Variants in PPP1R12B observed in about 807,000 individuals in gnomAD.
PPP1R12B encodes protein phosphatase 1 regulatory subunit 12B.
Under a neutral mutation model 126.1 loss-of-function variants are expected in PPP1R12B, and 76 were observed. That is an observed-to-expected ratio of 0.60 (90% CI 0.50 to 0.73). The LOEUF (loss-of-function observed/expected upper bound fraction) is 0.73, where lower values mean the gene tolerates loss of function less well. Among genes scored for constraint, PPP1R12B ranks in the 30% least tolerant of loss-of-function variants. The pLI is 0.00. For missense variants in PPP1R12B, 1,052 were observed against 1,205.1 expected, an observed-to-expected ratio of 0.87 and a Z score of 1.88; for synonymous variants, 356 against 434.7, an observed-to-expected ratio of 0.82 and a Z score of 2.25.
chr1:202,551,104 T>G (rs1686269973), intron 18 of PPP1R12B, among the ~76,000 whole-genome samples: 1 of 152,268 alleles, frequency 6.6e-6, no homozygotes, highest in South Asian at 2.1e-4. Context: ...TGATATGTGC[T>G]GCAATATGTG....
chr1:202,360,767 C>T (rs991795818), intron 1 of PPP1R12B, among the ~76,000 whole-genome samples: 8 of 151,806 alleles, frequency 5.3e-5, no homozygotes, highest in Non-Finnish European at 1.2e-4. Context: ...AGTGTATTGA[C>T]TGTTGCAAGG....
At chr1:202,451,299 T>TA (rs1165886884) in intron 13 of PPP1R12B, among the ~76,000 whole-genome samples, 1 of 150,276 alleles carries the variant, frequency 6.7e-6, no homozygotes, top group Non-Finnish European at 1.5e-5. Flanking sequence ...CTGGTTTTCC[T>TA]AGGCAGAGGA....
At chr1:202,568,472 A>G (rs1688268596) in intron 22 of PPP1R12B, among the ~76,000 whole-genome samples, 1 of 152,200 alleles carries the variant, frequency 6.6e-6, no homozygotes, top group African/African-American at 2.4e-5. Flanking sequence ...ATATGTTCCC[A>G]TCTGTCCTGT....
At chr1:202,579,060 A>C (rs929453857) in intron 23 of PPP1R12B, among the ~76,000 whole-genome samples, 1 of 152,204 alleles carries the variant, frequency 6.6e-6, no homozygotes, top group African/African-American at 2.4e-5. Context: ...TCATAGTCTC[A>C]TGAGGCACTA....
At chr1:202,435,276 T>C (rs548377119) in intron 9 of PPP1R12B, among the ~76,000 whole-genome samples, 94 of 152,288 alleles carry the variant, frequency 6.2e-4, no homozygotes, top group African/African-American at 2.1e-3. Flanking sequence ...TCTATAAGAT[T>C]ATTACCAAAC....
intron 17 of PPP1R12B, 120 bp from the exon 18 acceptor site, chr1:202,496,661 T>G (rs1020381965): frequency 1.1e-5 from 9 of 826,582 alleles, no homozygotes; most frequent in Non-Finnish European, 1.5e-5. Flanking sequence ...CACTTGGAAG[T>G]CAATTCTCAT....
intron 13 of PPP1R12B, among the ~76,000 whole-genome samples, chr1:202,473,729 T>TCTCCTCCCCTTCCTTCTC (rs1278949165): frequency 1.3e-5 from 2 of 152,220 alleles, no homozygotes; most frequent in African/African-American, 4.8e-5. Flanking sequence ...CTTTCCCTTT[T>TCTCCTCCCCTTCCTTCTC]CTCCTCCCCT....
In PPP1R12B at chr1:202,498,786, C is replaced by A. The variant is rs377068832; in HGVS notation, c.2490+1964C>A. 2.6e-5 allele frequency among the ~76,000 whole-genome samples: 4 copies of A among 152,168 alleles called. No individual in the cohort carries two copies. In the South Asian group the frequency reaches 6.2e-4, roughly 24 times the overall value. ...GCAACAACAAATGAGCCAGTTAAAG[C>A]GGAGGGCATTCCATTGAAATGGTGC... is the stretch of plus-strand genomic sequence containing the variant. On this transcript the variant is annotated intron_variant, in intron 18 of 23. Transcript: ENST00000608999.
intron 18 of PPP1R12B, among the ~76,000 whole-genome samples, chr1:202,542,866 A>G (rs942488985): frequency 6.6e-6 from 1 of 152,154 alleles, no homozygotes; most frequent in Non-Finnish European, 1.5e-5. Context: ...TCCTCTTCCA[A>G]ACTTCTTTAA....
chr1:202,422,864 T>C, intron 3 of PPP1R12B, 126 bp downstream of exon 3: 1 of 1,343,038 alleles, frequency 7.4e-7, no homozygotes, highest in Non-Finnish European at 1.0e-6. Context: ...CTGTCTGCAC[T>C]GCATTAATCA....
chr1:202,511,826 G>T (rs546773569), intron 18 of PPP1R12B, among the ~76,000 whole-genome samples: 63 of 147,348 alleles, frequency 4.3e-4, no homozygotes, highest in Non-Finnish European at 8.3e-4. Flanking sequence ...GGCCAGGCTG[G>T]AGTGCAATGA....
In PPP1R12B at chr1:202,451,130, CTTTT is replaced by C. The variant is rs141489711; in HGVS notation, c.1850+1966_1850+1969del. Among the ~76,000 whole-genome samples, 18 of 144,534 alleles carry C rather than the reference CTTTT, an allele frequency of 1.2e-4. No individual in the cohort carries two copies. The South Asian group carries it at 3.7e-3, about 29-fold the overall frequency. 94.8% of individuals were successfully genotyped at this position (144,534 alleles called of 152,430 possible). A position where few individuals can be genotyped will look rare whatever the true frequency, so the allele number is the denominator to read the frequency against. ...TTTGTAACTACTGTAAATGGGTTTA[CTTTT>C]TTTTTTAATAGTAGTATGATTTATT... On this transcript the variant is annotated intron_variant, in intron 13 of 23. Transcript: ENST00000608999.
chr1:202,367,946 A>T (rs1659531978), intron 1 of PPP1R12B, among the ~76,000 whole-genome samples: 1 of 151,000 alleles, frequency 6.6e-6, no homozygotes, highest in Non-Finnish European at 1.5e-5. Context: ...TAGTGAGTGC[A>T]GTCTCAGGAG....
In PPP1R12B at chr1:202,476,697, A is replaced by T. The variant is rs1303304103; in HGVS notation, c.1851-11836A>T. 2.7e-3 allele frequency among the ~76,000 whole-genome samples: 411 copies of T among 151,136 alleles called. 4 individuals carry two copies. The highest frequency in any genetic ancestry group is 8.3e-3 in the African/African-American group (344 of 41,206). On this transcript the variant is annotated intron_variant, in intron 13 of 23. Transcript: ENST00000608999. ...GACTCTGTCTCAAAAAAAAAAAAAA[A>T]TTTTTTTTTAGTAAGACATATACTA... is the stretch of plus-strand genomic sequence containing the variant.
At chr1:202,514,097 TC>T in intron 18 of PPP1R12B, among the ~76,000 whole-genome samples, 1 of 152,356 alleles carries the variant, frequency 6.6e-6, no homozygotes, top group South Asian at 2.1e-4. Context: ...TCTTTTCTTT[TC>T]TTTTTTTAAC....
intron 4 of PPP1R12B, among the ~76,000 whole-genome samples, chr1:202,426,534 A>ACC (rs1021825323): frequency 1.3e-4 from 20 of 152,226 alleles, no homozygotes; most frequent in Admixed American, 1.2e-3. Flanking sequence ...AGAAAGACCA[A>ACC]CCAGAAGGCT....
At chr1:202,359,675 C>CG (rs1657797231) in intron 1 of PPP1R12B, among the ~76,000 whole-genome samples, 1 of 16,936 alleles carries the variant, frequency 5.9e-5, no homozygotes, top group African/African-American at 3.3e-4. Context: ...CAGCTACTGG[C>CG]GGTGGGGGGT....
chr1:202,456,800 G>C (rs1673699981), intron 13 of PPP1R12B, among the ~76,000 whole-genome samples: 1 of 152,062 alleles, frequency 6.6e-6, no homozygotes, highest in East Asian at 1.9e-4. Context: ...TGAAACTCTG[G>C]GGCCCTGGCA....
intron 13 of PPP1R12B, among the ~76,000 whole-genome samples, chr1:202,450,793 T>C (rs1251213538): frequency 1.3e-5 from 2 of 152,336 alleles, no homozygotes; most frequent in African/African-American, 4.8e-5. Context: ...AGTCAGGTAA[T>C]GTTATTCCAG....
Sources: allele counts gnomAD v4.1 joint callset (sites outside exome capture counted in the v4.1 genomes callset), GRCh38; gene constraint gnomAD v4.1.1; transcripts MANE v1.5; gene names NCBI Gene and HGNC (gene_info 2026-07-23, HGNC 2026-07-21).